The following KIF18A variants were observed in gnomAD, a reference collection of about 807,000 sequenced individuals.
KIF18A encodes the protein kinesin family member 18A.
A neutral mutation model predicts 103.3 loss-of-function variants in KIF18A; 67 were observed. The observed-to-expected ratio is 0.65, with a 90% CI of 0.53 to 0.79. The LOEUF (loss-of-function observed/expected upper bound fraction) is 0.79. KIF18A is among the 30% of genes least tolerant of loss of function. The pLI is 0.00. For missense variants in KIF18A, 1,032 were observed against 1,062.5 expected, an observed-to-expected ratio of 0.97 and a Z score of 0.40; for synonymous variants, 367 against 355.5, an observed-to-expected ratio of 1.03 and a Z score of -0.36.
chr11:28,081,432 A>T (rs954317414), intron 9 of KIF18A, among the ~76,000 whole-genome samples: 1 of 152,114 alleles, frequency 6.6e-6, no homozygotes, highest in African/African-American at 2.4e-5. Flanking sequence ...ATTTACAAAC[A>T]TCCTAGGGCC....
At chr11:28,048,529 A>G (rs969958293) in intron 13 of KIF18A, among the ~76,000 whole-genome samples, 3 of 152,112 alleles carry the variant, frequency 2.0e-5, no homozygotes, top group African/African-American at 7.2e-5. Context: ...TCTTGTTTTA[A>G]AAAAGCAAAC....
At position 28,059,137 on chromosome 11, in the gene KIF18A, G is replaced by A; in HGVS notation, c.1737C>T (p.Thr579=). 6.2e-7 allele frequency: 1 copy of A among 1,613,630 alleles called. No homozygotes were observed. Among genetic ancestry groups the A allele is most frequent in the Non-Finnish European group, 8.5e-7 (1 of 1,179,660 alleles). ...TTAATGTGCAATATTGTTTTCTTAG[G>A]GTTGGAAGTAAAGCATTCAATACTC... The part of the protein sequence containing the change: ...TEAVLNALLP[T]LRKQYCTLKE... Residue 579 remains threonine (T), a synonymous_variant, in exon 13 of 17, where the codon ACC becomes ACT. Coordinates refer to ENST00000263181, the MANE Select transcript of KIF18A (RefSeq NM_031217.4).
intron 13 of KIF18A, among the ~76,000 whole-genome samples, chr11:28,050,019 C>T (rs185739644): frequency 1.3e-5 from 2 of 151,752 alleles, no homozygotes; most frequent in East Asian, 3.9e-4. Flanking sequence ...ATAATAGTTC[C>T]CTAATACATA....
At chr11:28,027,403 T>C (rs1320830954) in intron 15 of KIF18A, among the ~76,000 whole-genome samples, 3 of 151,886 alleles carry the variant, frequency 2.0e-5, no homozygotes, top group African/African-American at 4.8e-5. Context: ...CTCTTTATAT[T>C]AACCCGGCTT....
At chr11:28,063,671 A>G (rs1180909069) in intron 11 of KIF18A, among the ~76,000 whole-genome samples, 2 of 151,960 alleles carry the variant, frequency 1.3e-5, no homozygotes, top group Non-Finnish European at 2.9e-5. Flanking sequence ...ATTTTATTGG[A>G]AAAATTTCAA....
intron 5 of KIF18A, among the ~76,000 whole-genome samples, chr11:28,088,956 G>C (rs1403420035): frequency 6.6e-6 from 1 of 152,144 alleles, no homozygotes; most frequent in Non-Finnish European, 1.5e-5. Flanking sequence ...CTCTTGACTT[G>C]ATAGAAGATC....
At chr11:28,098,902 CAAAAT>C (rs1282038954) in intron 1 of KIF18A, among the ~76,000 whole-genome samples, 1 of 150,992 alleles carries the variant, frequency 6.6e-6, no homozygotes, top group African/African-American at 2.4e-5. Flanking sequence ...AACCACAAAA[CAAAAT>C]AAAACACCCC....
intron 16 of KIF18A, among the ~76,000 whole-genome samples, chr11:28,022,437 T>A (rs868128825): frequency 7.9e-5 from 12 of 152,140 alleles, no homozygotes; most frequent in East Asian, 3.9e-4. Flanking sequence ...GCTAATTTTT[T>A]AAAATTTTTT....
intron 15 of KIF18A, among the ~76,000 whole-genome samples, chr11:28,033,478 A>T (rs1850437880): frequency 6.6e-6 from 1 of 151,802 alleles, no homozygotes; most frequent in African/African-American, 2.4e-5. Context: ...TCAACAGATG[A>T]ATAGAAAAAG....
At chr11:28,059,230 T>C in intron 12 of KIF18A, 69 bp from the exon 13 acceptor site, 1 of 1,051,502 alleles carries the variant, frequency 9.5e-7, no homozygotes, top group Non-Finnish European at 1.4e-6. Context: ...TTAGTTCTTT[T>C]ATGTAACACC....
chr11:28,030,431 A>T (rs1290527138), intron 15 of KIF18A, among the ~76,000 whole-genome samples: 3 of 152,080 alleles, frequency 2.0e-5, no homozygotes, highest in African/African-American at 7.2e-5. Flanking sequence ...GAAATGGGGA[A>T]AGGATTCCCC....
At chr11:28,074,436 T>C (rs764910132) in intron 10 of KIF18A, among the ~76,000 whole-genome samples, 14 of 152,142 alleles carry the variant, frequency 9.2e-5, no homozygotes, top group South Asian at 8.3e-4. Flanking sequence ...GTTTCCTTTC[T>C]GCCTTAAAAG....
chr11:28,060,374 T>C (rs150901183), intron 12 of KIF18A, among the ~76,000 whole-genome samples: 73 of 152,258 alleles, frequency 4.8e-4, no homozygotes, highest in African/African-American at 1.7e-3. Context: ...TTCACTTTCA[T>C]ACACAAAGAA....
chr11:28,102,283 G>T (rs1214448628), intron 1 of KIF18A, among the ~76,000 whole-genome samples: 1 of 152,116 alleles, frequency 6.6e-6, no homozygotes, highest in African/African-American at 2.4e-5. Context: ...TTTTTAACCT[G>T]AACATTCCTT....
At chr11:28,059,290 C>T (rs1225417368) in intron 12 of KIF18A, 129 bp from the exon 13 acceptor site, 1 of 714,688 alleles carries the variant, frequency 1.4e-6, no homozygotes, top group East Asian at 2.7e-5. Flanking sequence ...GAACTGAGTT[C>T]TAGTCTCAGA....
intron 13 of KIF18A, among the ~76,000 whole-genome samples, chr11:28,043,220 T>C (rs1850583799): frequency 6.6e-6 from 1 of 152,080 alleles, no homozygotes; most frequent in East Asian, 1.9e-4. Flanking sequence ...CTTGTTCCCA[T>C]CACTGTTGGC....
chr11:28,026,708 T>C (rs1850326327), intron 15 of KIF18A, among the ~76,000 whole-genome samples: 1 of 151,780 alleles, frequency 6.6e-6, no homozygotes, highest in African/African-American at 2.4e-5. Flanking sequence ...AAATTATTCT[T>C]ATCTATAAAC....
chr11:28,097,893 G>GT lies in KIF18A; in HGVS notation c.54dup (p.Arg19ThrfsTer6), dbSNP rs1554974958. ...GCTTTTTCTTTAGTGTTTTCCGGAC[G>GT]TACACGAACTACTACTTTCATATGG... On this transcript the variant is annotated frameshift_variant, in exon 2 of 17. Coordinates refer to ENST00000263181, the MANE Select transcript of KIF18A (RefSeq NM_031217.4). LOFTEE classifies it high-confidence loss of function. 1 of 1,606,962 alleles carries GT rather than the reference G, an allele frequency of 6.2e-7. No homozygotes were observed. The highest frequency in any genetic ancestry group is 8.5e-7 in the Non-Finnish European group (1 of 1,177,558).
intron 11 of KIF18A, 32 bp from the exon 12 acceptor site, chr11:28,062,548 T>A (rs1239445731): frequency 2.5e-6 from 4 of 1,578,528 alleles, no homozygotes; most frequent in Non-Finnish European, 1.7e-6. Context: ...GTACTTCAGA[T>A]CACTCTAAGA....
Sources: allele counts gnomAD v4.1 joint callset (sites outside exome capture counted in the v4.1 genomes callset), GRCh38; gene constraint gnomAD v4.1.1; transcripts MANE v1.5; gene names NCBI Gene and HGNC (gene_info 2026-07-23, HGNC 2026-07-21).